Variants in PAOX observed in about 807,000 individuals in gnomAD.
PAOX encodes polyamine oxidase, also known as peroxisomal N(1)-acetyl-spermine/spermidine oxidase.
In PAOX, 38 loss-of-function variants were observed where a neutral mutation model predicts 39.0. The ratio of observed to expected loss-of-function variants is 0.97; its 90% CI spans 0.75 to 1.28. The LOEUF (loss-of-function observed/expected upper bound fraction) is 1.28. Among genes scored for constraint, PAOX ranks in the 50% most tolerant of loss-of-function variants. PAOX has a pLI of 0.00. For missense variants in PAOX, 667 were observed against 685.7 expected (o/e 0.97, Z 0.30); for synonymous variants, 311 against 314.4 (o/e 0.99, Z 0.11).
At chr10:133,390,560 G>A (rs1849648683) in intron 6 of PAOX, among the ~76,000 whole-genome samples, 1 of 152,154 alleles carries the variant, frequency 6.6e-6, no homozygotes, top group East Asian at 1.9e-4. Context: ...CTGGGTGTCA[G>A]AGCAAGACTC....
chr10:133,380,783 G>C (rs1849345001), intron 2 of PAOX, among the ~76,000 whole-genome samples: 1 of 152,198 alleles, frequency 6.6e-6, no homozygotes, highest in African/African-American at 2.4e-5. Context: ...TTCAAGAACA[G>C]CCTGGCCAAC....
chr10:133,383,239 A>G (rs189996297), intron 3 of PAOX, among the ~76,000 whole-genome samples: 2 of 152,322 alleles, frequency 1.3e-5, no homozygotes, highest in Admixed American at 6.5e-5. Flanking sequence ...TCATTATTTC[A>G]TAAGCATAGA....
chr10:133,386,466 A>G (rs539928043), intron 4 of PAOX, among the ~76,000 whole-genome samples: 1 of 152,166 alleles, frequency 6.6e-6, no homozygotes, highest in Non-Finnish European at 1.5e-5. Context: ...TGTGGTTGGA[A>G]GAAGGAGTGA....
At chr10:133,382,561 CA>C (rs1849416629) in intron 3 of PAOX, among the ~76,000 whole-genome samples, 1 of 152,184 alleles carries the variant, frequency 6.6e-6, no homozygotes, top group Admixed American at 6.5e-5. Context: ...GCAGGCGGAT[CA>C]CCTGAGGTCA....
At position 133,381,775 on chromosome 10, in the gene PAOX, G is replaced by A. The variant is rs572406239; in HGVS notation, c.868+116G>A. On this transcript the variant is annotated intron_variant, in intron 3 of 6. Coordinates refer to ENST00000278060, the MANE Select transcript of PAOX (RefSeq NM_152911.4). ...GTACGAAGCTCACATTTTCGTTCTA[G>A]TAAGTTCCAGATAGGTGGAAGGAAT... 1.5e-5 allele frequency: 15 copies of A among 1,008,072 alleles called. No homozygotes were observed. In the African/African-American group the frequency reaches 2.1e-4, roughly 14 times the overall value. 62.4% of individuals were successfully genotyped at this position (1,008,072 alleles called of 1,614,324 possible).
intron 3 of PAOX, among the ~76,000 whole-genome samples, 166 bp from the exon 4 acceptor site, chr10:133,383,794 G>A (rs1305826819): frequency 6.6e-6 from 1 of 152,178 alleles, no homozygotes; most frequent in African/African-American, 2.4e-5. Context: ...GGGCAACAGA[G>A]CAAGACCCTA....
chr10:133,380,119 T>G lies in PAOX; in HGVS notation c.302T>G (p.Leu101Arg), dbSNP rs368311370. ...AAGGAGCTGTCCCAGGAGAACCAGC[T>G]GGTGGAGACCGGGGGTCACGTGGGC... ...GEKELSQENQ[L>R]VETGGHVGLP... Residue 101 changes from leucine (L) to arginine (R), a missense_variant, in exon 2 of 7, where the codon CTG becomes CGG. By Grantham distance (102) the Leu-to-Arg change is moderately radical. Transcript: ENST00000278060. 22 of 1,576,798 alleles carry G rather than the reference T, an allele frequency of 1.4e-5. No homozygotes were observed. Among genetic ancestry groups the G allele is most frequent in the Middle Eastern group, 1.7e-4 (1 of 5,882 alleles).
At position 133,381,647 on chromosome 10, in the gene PAOX, A is replaced by G. The variant is rs1456489823; in HGVS notation, c.856A>G (p.Thr286Ala). ...GTTCCCGGCGCACCATGTCATCGTCACCGTGCCCTTAGGTAGGTCAGGTTT... is the reference window on the plus strand; with the variant it reads ...GTTCCCGGCGCACCATGTCATCGTCGCCGTGCCCTTAGGTAGGTCAGGTTT... ...DRFPAHHVIVTVPLGFLREHL... is the reference protein window; with the variant it reads ...DRFPAHHVIVAVPLGFLREHL... The change falls in exon 3 of 7, where the codon ACC becomes GCC. Residue 286 changes from threonine (T) to alanine (A), a missense_variant. Physicochemically the swap from Thr to Ala is moderately conservative, Grantham distance 58. Coordinates refer to ENST00000278060, the MANE Select transcript of PAOX (RefSeq NM_152911.4). 3.7e-6 allele frequency: 6 copies of G among 1,612,932 alleles called. No individual in the cohort carries two copies. The highest frequency in any genetic ancestry group is 5.1e-6 in the Non-Finnish European group (6 of 1,179,962).
rs1390552694 is a variant in PAOX at position 133,384,786 on chromosome 10, C to T, written c.1121+574C>T. On this transcript the variant is annotated intron_variant, in intron 4 of 6. Transcript: ENST00000278060. This position sits in a 1 kb window ranked among gnomAD's most constrained non-coding sequence, Gnocchi z 4.3. ...AAACACAAAGACAGCCTGATATAGTCAGATGGCAGAAATAATTCCACGTTT... is the reference window on the plus strand; with the variant it reads ...AAACACAAAGACAGCCTGATATAGTTAGATGGCAGAAATAATTCCACGTTT... Among the ~76,000 whole-genome samples, 1 of 152,206 alleles carries T rather than the reference C, an allele frequency of 6.6e-6. No homozygotes were observed. Among genetic ancestry groups the T allele is most frequent in the Admixed American group, 6.5e-5 (1 of 15,286 alleles).
In PAOX at chr10:133,391,053, TTGG is replaced by T. The variant is rs1353410269; in HGVS notation, c.1393-255_1393-253del. On this transcript the variant is annotated intron_variant, in intron 6 of 6. Coordinates refer to ENST00000278060, the MANE Select transcript of PAOX (RefSeq NM_152911.4). Reference sequence around the variant, plus strand: ...TGCGTGTGAGCCGTTTTCCCGCCCGTTGGTGGATGCGTGTGAGCCGTTTTCCTG... The same window carrying T: ...TGCGTGTGAGCCGTTTTCCCGCCCGTTGGATGCGTGTGAGCCGTTTTCCTG... The T allele has an allele frequency of 1.0e-5, 7 of 697,938 alleles. No individual in the cohort carries two copies. The South Asian group carries it at 1.0e-4, about 10-fold the overall frequency. The allele number at this position is 697,938 out of a possible 1,614,324, so 43.2% of individuals were successfully genotyped here.
rs1257762098 is a variant in PAOX at position 133,380,372 on chromosome 10, C to T, written c.555C>T (p.Asn185=). 6.2e-7 allele frequency: 1 copy of T among 1,612,948 alleles called. No homozygotes were observed. The change falls in exon 2 of 7, where the codon AAC becomes AAT. Residue 185 remains asparagine (N), a synonymous_variant. Transcript: ENST00000278060. The part of the protein sequence containing the change: ...ETRKLKLAVL[N]SFFNLECCVS... ...GGAAGCTGAAGCTGGCCGTCCTGAACTCCTTCTTCAACCTGGAATGCTGTG... is the reference window on the plus strand; with the variant it reads ...GGAAGCTGAAGCTGGCCGTCCTGAATTCCTTCTTCAACCTGGAATGCTGTG...
At position 133,380,148 on chromosome 10, in the gene PAOX, C is replaced by A; in HGVS notation, c.331C>A (p.Pro111Thr). Residue 111 changes from proline to threonine, a missense_variant, in exon 2 of 7, where the codon CCC becomes ACC. Physicochemically the swap from Pro to Thr is conservative, Grantham distance 38. Transcript: ENST00000278060. ...GGAGACCGGGGGTCACGTGGGCCTG[C>A]CCTCCGTGAGCTACGCCAGCTCCGG... is the stretch of plus-strand genomic sequence containing the variant. Reference protein sequence around the residue: ...LVETGGHVGLPSVSYASSGAS... With the variant: ...LVETGGHVGLTSVSYASSGAS... 6.2e-7 allele frequency: 1 copy of A among 1,600,598 alleles called. No homozygotes were observed. Among genetic ancestry groups the A allele is most frequent in the Non-Finnish European group, 8.5e-7 (1 of 1,172,540 alleles).
chr10:133,381,697 G>T, intron 3 of PAOX, 38 bp downstream of exon 3: 1 of 1,586,938 alleles, frequency 6.3e-7, no homozygotes, highest in South Asian at 1.1e-5. Flanking sequence ...CATCCCAAGT[G>T]CCCCCGCCTC....
In PAOX at chr10:133,380,234, C is replaced by G. The variant is rs917191618; in HGVS notation, c.417C>G (p.Asp139Glu). The G allele has an allele frequency of 1.2e-5, 19 of 1,612,768 alleles. 1 individual carries two copies. Among genetic ancestry groups the G allele is most frequent in the Middle Eastern group, 3.3e-4 (2 of 6,084 alleles). ...EMATLFYGLI[D>E]QTREFLHAAE... ...CGACTCTGTTCTACGGCCTGATAGA[C>G]CAGACCCGGGAGTTCCTGCACGCTG... Residue 139 changes from aspartate (D) to glutamate (E), a missense_variant, in exon 2 of 7, where the codon GAC (aspartate) becomes GAG (glutamate). Asp to Glu is a conservative substitution (Grantham distance 45). Coordinates refer to ENST00000278060, the MANE Select transcript of PAOX (RefSeq NM_152911.4).
At chr10:133,389,938 AAGTC>A (rs1282826883) in intron 6 of PAOX, among the ~76,000 whole-genome samples, 191 bp downstream of exon 6, 2 of 152,248 alleles carry the variant, frequency 1.3e-5, no homozygotes, top group Admixed American at 1.3e-4. Context: ...ACAGCTTAAA[AAGTC>A]AGAGAATTCT....
intron 5 of PAOX, 45 bp from the exon 6 acceptor site, chr10:133,389,545 G>A (rs1420251878): frequency 1.6e-5 from 25 of 1,612,314 alleles, no homozygotes; most frequent in African/African-American, 2.7e-5. Flanking sequence ...TTGCAGACCT[G>A]TGGGTGAGAG....
rs998280284 is a variant in PAOX, at chr10:133,381,476, A to G, written c.685A>G (p.Thr229Ala). 3.1e-6 allele frequency: 5 copies of G among 1,613,662 alleles called. No individual in the cohort carries two copies. The highest frequency in any genetic ancestry group is 3.3e-5 in the Admixed American group (2 of 60,006). The change falls in exon 3 of 7, where the codon ACA (threonine) becomes GCA (alanine). Residue 229 changes from threonine (T) to alanine (A), a missense_variant. Coordinates refer to ENST00000278060, the MANE Select transcript of PAOX (RefSeq NM_152911.4). ...CTFSKGYQGL[T>A]NCMMAALPED... Reference sequence around the variant, plus strand: ...TCTTTCTAGGGGCTATCAAGGACTCACAAACTGCATGATGGCCGCCCTGCC... The same window carrying G: ...TCTTTCTAGGGGCTATCAAGGACTCGCAAACTGCATGATGGCCGCCCTGCC...
rs1290742675 is a variant in PAOX at position 133,391,379 on chromosome 10, T to G, written c.1460T>G (p.Leu487Arg). 6.2e-7 allele frequency: 1 copy of G among 1,613,468 alleles called. No homozygotes were observed. ...TFYSTTHGALLSGWREADRLL... is the reference protein window; with the variant it reads ...TFYSTTHGALRSGWREADRLL... ...TACTCCACGACGCACGGGGCTCTGC[T>G]GTCGGGATGGAGGGAGGCCGACCGC... The change falls in exon 7 of 7, where the codon CTG becomes CGG. Residue 487 changes from leucine (L) to arginine (R), a missense_variant. Physicochemically the swap from Leu to Arg is moderately radical, Grantham distance 102. Transcript: ENST00000278060.
chr10:133,379,720 GCCGCCCTGATTCTGCCCCACGGGGGCCCC>G (rs1849298675), intron 1 of PAOX: 1 of 532,452 alleles, frequency 1.9e-6, no homozygotes, highest in Admixed American at 3.8e-5. Context: ...GCTCCACAAG[GCCGCCCTGATTCTGCCCCACGGGGGCCCC>G]CCCAGCCCCG....
Sources: gnomAD v4.1 joint callset for allele counts (sites outside exome capture counted in the v4.1 genomes callset) on GRCh38, gnomAD v4.1.1 for gene constraint, Gnocchi (gnomAD v3.1) non-coding constraint, MANE v1.5 for transcripts, NCBI Gene and HGNC (gene_info 2026-07-23, HGNC 2026-07-21) for gene names.